Variants in FGF18 observed in about 807,000 individuals in gnomAD.
FGF18 encodes the protein fibroblast growth factor 18.
In FGF18, 5 loss-of-function variants were observed where a neutral mutation model predicts 23.0. The observed-to-expected ratio is 0.22, with a 90% CI of 0.11 to 0.46. The LOEUF is 0.46. Ranked by LOEUF, FGF18 falls within the 20% of genes least tolerant of loss-of-function variation. The pLI is 0.99. For synonymous variants in FGF18, 117 were observed against 118.9 expected (o/e 0.98, Z 0.10); for missense variants, 180 against 291.6 (o/e 0.62, Z 2.79).
intron 3 of FGF18, among the ~76,000 whole-genome samples, chr5:171,445,279 A>C (rs138238453): frequency 2.5e-4 from 38 of 152,204 alleles, no homozygotes; most frequent in African/African-American, 7.9e-4. Context: ...GTCCCATTGA[A>C]GAGTTTACAT....
intron 3 of FGF18, among the ~76,000 whole-genome samples, chr5:171,447,420 A>C (rs1772434691): frequency 6.6e-6 from 1 of 152,232 alleles, no homozygotes. Flanking sequence ...AACAAGGAGG[A>C]TCAAGGGCTT....
chr5:171,439,521 G>A (rs557674358), intron 3 of FGF18, among the ~76,000 whole-genome samples: 1 of 152,326 alleles, frequency 6.6e-6, no homozygotes, highest in African/African-American at 2.4e-5. Flanking sequence ...CTGTCCTGCA[G>A]GCAGTTGCCA....
chr5:171,438,012 C>G (rs1435688665), intron 3 of FGF18, among the ~76,000 whole-genome samples: 1 of 152,180 alleles, frequency 6.6e-6, no homozygotes, highest in African/African-American at 2.4e-5. Context: ...TGCTGTGTGA[C>G]CTCAGACAAG....
rs957455240 is a variant in FGF18 at position 171,451,037 on chromosome 5, C to T, written c.357+1784C>T. 6.6e-6 allele frequency among the ~76,000 whole-genome samples: 1 copy of T among 152,002 alleles called. No homozygotes were observed. The highest frequency in any genetic ancestry group is 2.4e-5 in the African/African-American group (1 of 41,426). ...TGCGCGGGGGTCAAAAGAGCAGCCCCGTCCCCTCGGGCCGCCCCCCCACCC... is the reference window on the plus strand; with the variant it reads ...TGCGCGGGGGTCAAAAGAGCAGCCCTGTCCCCTCGGGCCGCCCCCCCACCC... On this transcript the variant is annotated intron_variant, in intron 4 of 4. Transcript: ENST00000274625. The surrounding 1 kb of genome is among the most constrained non-coding windows in gnomAD (Gnocchi z 4.5).
intron 2 of FGF18, among the ~76,000 whole-genome samples, chr5:171,422,615 C>G (rs747942037): frequency 2.0e-5 from 3 of 152,216 alleles, no homozygotes; most frequent in Non-Finnish European, 2.9e-5. Context: ...TGTCCCCATT[C>G]ACACTACAGG....
chr5:171,431,552 A>T (rs1306753688), intron 2 of FGF18, among the ~76,000 whole-genome samples: 1 of 152,044 alleles, frequency 6.6e-6, no homozygotes, highest in East Asian at 1.9e-4. Context: ...GAAGATTTCT[A>T]CCAGAACTGA....
At chr5:171,452,757 G>C (rs1012319133) in intron 4 of FGF18, among the ~76,000 whole-genome samples, 1 of 152,190 alleles carries the variant, frequency 6.6e-6, no homozygotes, top group Admixed American at 6.5e-5. Flanking sequence ...TTCAGGGCAG[G>C]GGAGTGCTCT....
At chr5:171,447,591 G>A (rs187276771) in intron 3 of FGF18, among the ~76,000 whole-genome samples, 1 of 152,250 alleles carries the variant, frequency 6.6e-6, no homozygotes, top group African/African-American at 2.4e-5. Context: ...TTCCCTCTTG[G>A]AAAGGTGGGT....
At position 171,434,127 on chromosome 5, in the gene FGF18, C is replaced by T. The variant is rs1772215352; in HGVS notation, c.70-1966C>T. ...AGCACTGGTGGGGCAGGCAGGGCCC[C>T]GCAAGGCAGTGGCCTGGGGCTGCCC... On this transcript the variant is annotated intron_variant, in intron 2 of 4. Coordinates refer to ENST00000274625, the MANE Select transcript of FGF18 (RefSeq NM_003862.3). This position sits in a 1 kb window ranked among gnomAD's most constrained non-coding sequence, Gnocchi z 4.6. Among the ~76,000 whole-genome samples the T allele has an allele frequency of 1.3e-5, 2 of 152,204 alleles. No homozygotes were observed. The highest frequency in any genetic ancestry group is 6.5e-5 in the Admixed American group (1 of 15,280).
intron 3 of FGF18, among the ~76,000 whole-genome samples, chr5:171,441,660 G>A (rs1309569539): frequency 6.6e-6 from 1 of 152,152 alleles, no homozygotes; most frequent in African/African-American, 2.4e-5. Context: ...TCTGTCTCCC[G>A]TGTTAGAGTG....
At chr5:171,442,184 GT>G (rs1561888635) in intron 3 of FGF18, among the ~76,000 whole-genome samples, 1 of 152,156 alleles carries the variant, frequency 6.6e-6, no homozygotes, top group Admixed American at 6.5e-5. Flanking sequence ...AACCCTATTG[GT>G]TTTTCCCCCC....
intron 2 of FGF18, among the ~76,000 whole-genome samples, chr5:171,433,456 T>C (rs1010692264): frequency 1.3e-5 from 2 of 152,126 alleles, no homozygotes; most frequent in African/African-American, 4.8e-5. Context: ...GCCAGCCACC[T>C]CCGGAAGTCA....
At chr5:171,445,321 G>A (rs962623400) in intron 3 of FGF18, among the ~76,000 whole-genome samples, 3 of 152,088 alleles carry the variant, frequency 2.0e-5, no homozygotes, top group Admixed American at 1.3e-4. Context: ...ATCCCTAGGA[G>A]GTCTTTAGCA....
At chr5:171,445,852 A>T (rs1421194541) in intron 3 of FGF18, among the ~76,000 whole-genome samples, 1 of 152,128 alleles carries the variant, frequency 6.6e-6, no homozygotes, top group Non-Finnish European at 1.5e-5. Flanking sequence ...GGCCTGGTGC[A>T]GGCCCCACAA....
At position 171,449,056 on chromosome 5, in the gene FGF18, G is replaced by A. The variant is rs888254877; in HGVS notation, c.251-91G>A. ...GATTTTGGGGGAGTGAGGGACCAAA[G>A]ATAGGACCAGGGACCATGTCACTGA... On this transcript the variant is annotated intron_variant, in intron 3 of 4. Coordinates refer to ENST00000274625, the MANE Select transcript of FGF18 (RefSeq NM_003862.3). 15 of 947,948 alleles carry A rather than the reference G, an allele frequency of 1.6e-5. No individual in the cohort carries two copies. The African/African-American group carries it at 1.9e-4, about 12-fold the overall frequency. 58.7% of individuals were successfully genotyped at this position (947,948 alleles called of 1,614,324 possible).
intron 2 of FGF18, among the ~76,000 whole-genome samples, chr5:171,433,197 T>A (rs1482195778): frequency 6.6e-6 from 1 of 152,108 alleles, no homozygotes; most frequent in Admixed American, 6.5e-5. Context: ...GATTGTTCCC[T>A]CCCGCATCCT....
Position 171,447,465 on chromosome 5 carries a change from C to T in FGF18, c.251-1682C>T, listed in dbSNP as rs73803350. ...GCCATCTCAGCGTTGGTTAATATCCCTGAGTCAGTGTTGACTAGGGCTGGG... is the reference window on the plus strand; with the variant it reads ...GCCATCTCAGCGTTGGTTAATATCCTTGAGTCAGTGTTGACTAGGGCTGGG... On this transcript the variant is annotated intron_variant, in intron 3 of 4. Transcript: ENST00000274625. Among the ~76,000 whole-genome samples, 1,307 of 152,344 alleles carry T rather than the reference C, an allele frequency of 8.6e-3. 18 individuals are homozygous for T. Among genetic ancestry groups the T allele is most frequent in the African/African-American group, 0.028 (1,169 of 41,566 alleles).
intron 2 of FGF18, among the ~76,000 whole-genome samples, chr5:171,431,778 A>T (rs908347600): frequency 8.5e-5 from 13 of 152,088 alleles, no homozygotes; most frequent in African/African-American, 3.1e-4. Context: ...GTTGCAGCAG[A>T]CTGGGCGCGG....
At chr5:171,443,646 G>T (rs1289219358) in intron 3 of FGF18, among the ~76,000 whole-genome samples, 1 of 151,532 alleles carries the variant, frequency 6.6e-6, no homozygotes, top group African/African-American at 2.4e-5. Context: ...CACCGCGCCT[G>T]GCCTGTTATC....
Sources: allele counts gnomAD v4.1 joint callset (sites outside exome capture counted in the v4.1 genomes callset), GRCh38; gene constraint gnomAD v4.1.1; non-coding constraint Gnocchi (gnomAD v3.1); transcripts MANE v1.5; gene names NCBI Gene and HGNC (gene_info 2026-07-23, HGNC 2026-07-21).